KATNA1: variants seen among roughly 807,000 people sequenced by gnomAD.
KATNA1 encodes the protein katanin p60 ATPase-containing subunit A1.
A neutral mutation model predicts 62.6 loss-of-function variants in KATNA1; 42 were observed. The ratio of observed to expected loss-of-function variants is 0.67; its 90% CI spans 0.52 to 0.87. The LOEUF (loss-of-function observed/expected upper bound fraction) is 0.87. Among genes scored for constraint, KATNA1 ranks in the 40% least tolerant of loss-of-function variants. The pLI is 0.00. For missense variants in KATNA1, 498 were observed against 612.5 expected (o/e 0.81, Z 1.97); for synonymous variants, 186 against 201.9 (o/e 0.92, Z 0.67).
At chr6:149,619,411 G>A (rs1192158454) in intron 4 of KATNA1, among the ~76,000 whole-genome samples, 4 of 152,106 alleles carry the variant, frequency 2.6e-5, no homozygotes, top group South Asian at 2.1e-4. Context: ...TCAGGGGTTC[G>A]AGACCAGACT....
At chr6:149,624,951 G>A (rs1373611261) in intron 3 of KATNA1, among the ~76,000 whole-genome samples, 1 of 151,138 alleles carries the variant, frequency 6.6e-6, no homozygotes, top group African/African-American at 2.4e-5. Context: ...TGGAAATGCA[G>A]GAGTTGAACT....
intron 9 of KATNA1, 47 bp downstream of exon 9, chr6:149,597,460 C>CAA: frequency 6.3e-7 from 1 of 1,599,494 alleles, no homozygotes; most frequent in Non-Finnish European, 8.5e-7. Flanking sequence ...CTAAACAAAA[C>CAA]TACATGAAAG....
At chr6:149,644,684 GTCC>G (rs996937620) in intron 1 of KATNA1, among the ~76,000 whole-genome samples, 61 of 152,060 alleles carry the variant, frequency 4.0e-4, no homozygotes, top group African/African-American at 1.4e-3. Flanking sequence ...TATATAGGTG[GTCC>G]TCGTTTTTTT....
At position 149,620,464 on chromosome 6, in the gene KATNA1, T is replaced by C. The variant is rs145866083; in HGVS notation, c.501+2639A>G. ...GTGCCACCACCCCGGCTAATTTTTTTTGTATTTTTAGTAGAGACAGTGTTT... is the reference window on the plus strand; with the variant it reads ...GTGCCACCACCCCGGCTAATTTTTTCTGTATTTTTAGTAGAGACAGTGTTT... On this transcript the variant is annotated intron_variant, in intron 4 of 10. Coordinates refer to ENST00000367411, the MANE Select transcript of KATNA1 (RefSeq NM_007044.4). Among the ~76,000 whole-genome samples the C allele has an allele frequency of 1.8e-3, 268 of 152,238 alleles. 1 individual carries two copies. Among genetic ancestry groups the C allele is most frequent in the African/African-American group, 6.1e-3 (254 of 41,532 alleles).
At position 149,598,240 on chromosome 6, in the gene KATNA1, C is replaced by G; in HGVS notation, c.999G>C (p.Leu333=). The G allele has an allele frequency of 6.2e-7, 1 of 1,614,020 alleles. No individual in the cohort carries two copies. Among genetic ancestry groups the G allele is most frequent in the Middle Eastern group, 1.6e-4 (1 of 6,062 alleles). The part of the protein sequence containing the change: ...HEASRRVKAE[L]LVQMDGVGGT... ...CACAGATACCATCCATCTGAACCAG[C>G]AGCTCCGCTTTCACCCTTCTGCTTG... The change falls in exon 8 of 11, where the codon CTG becomes CTC. Residue 333 remains leucine (L), a synonymous_variant. Coordinates refer to ENST00000367411, the MANE Select transcript of KATNA1 (RefSeq NM_007044.4).
chr6:149,640,833 C>G (rs1780252817), intron 1 of KATNA1, among the ~76,000 whole-genome samples: 1 of 151,626 alleles, frequency 6.6e-6, no homozygotes, highest in Non-Finnish European at 1.5e-5. Flanking sequence ...AGGCGTGAGC[C>G]ACCATGCCTG....
At chr6:149,599,223 T>C (rs948162301) in intron 7 of KATNA1, among the ~76,000 whole-genome samples, 10 of 152,170 alleles carry the variant, frequency 6.6e-5, no homozygotes, top group Non-Finnish European at 1.2e-4. Flanking sequence ...ATTTTTGTAC[T>C]TTTTCAACAA....
At chr6:149,602,850 T>G (rs746699553) in intron 6 of KATNA1, among the ~76,000 whole-genome samples, 1 of 151,942 alleles carries the variant, frequency 6.6e-6, no homozygotes, top group Non-Finnish European at 1.5e-5. Flanking sequence ...GCCTCCCGGA[T>G]AGCTGGGATT....
At chr6:149,616,628 C>A (rs1357754783) in intron 4 of KATNA1, among the ~76,000 whole-genome samples, 1 of 152,134 alleles carries the variant, frequency 6.6e-6, no homozygotes, top group Non-Finnish European at 1.5e-5. Context: ...GTGGCGGGTG[C>A]CTGTAATCCC....
chr6:149,648,844 G>C (rs1000361329), upstream of KATNA1: 2 of 152,322 alleles, frequency 1.3e-5, no homozygotes, highest in Non-Finnish European at 2.9e-5. Flanking sequence ...GCGGAGACCA[G>C]GGATAGTATA....
At chr6:149,595,557 CAG>C (rs1006630294) in intron 10 of KATNA1, among the ~76,000 whole-genome samples, 50 of 151,876 alleles carry the variant, frequency 3.3e-4, no homozygotes, top group African/African-American at 1.1e-3. Flanking sequence ...ATAAGCATCA[CAG>C]AGTCAGAAGA....
rs186154552 is a variant in KATNA1 at position 149,627,026 on chromosome 6, T to C, written c.321-3743A>G. On this transcript the variant is annotated intron_variant, in intron 3 of 10. Coordinates refer to ENST00000367411, the MANE Select transcript of KATNA1 (RefSeq NM_007044.4). The stretch of plus-strand genomic sequence containing the variant: ...ATTTCAACAACAACCCTTACTGTCA[T>C]AGACTTACATACGTGTGTGTGTATA... Among the ~76,000 whole-genome samples the C allele has an allele frequency of 7.2e-5, 11 of 151,932 alleles. No homozygotes were observed. In the East Asian group the frequency reaches 2.1e-3, roughly 30 times the overall value.
At chr6:149,597,280 T>C (rs1165082401) in intron 9 of KATNA1, 91 bp from the exon 10 acceptor site, 23 of 1,394,816 alleles carry the variant, frequency 1.6e-5, no homozygotes, top group African/African-American at 2.9e-5. Flanking sequence ...GATGTTGTCT[T>C]CCAGTAAGAA....
intron 1 of KATNA1, among the ~76,000 whole-genome samples, chr6:149,645,947 T>C (rs9718079): frequency 0.47 from 71,695 of 151,732 alleles, 18,265 homozygotes; most frequent in East Asian, 0.81. Context: ...GGCAAAATAT[T>C]GAAATATCTG....
chr6:149,630,832 T>G (rs975355643), intron 3 of KATNA1, among the ~76,000 whole-genome samples: 2 of 152,046 alleles, frequency 1.3e-5, no homozygotes, highest in African/African-American at 4.8e-5. Flanking sequence ...AATCCACGTT[T>G]TTAATTAGAG....
intron 3 of KATNA1, among the ~76,000 whole-genome samples, chr6:149,623,967 T>C (rs1194450765): frequency 6.6e-6 from 1 of 152,186 alleles, no homozygotes; most frequent in Non-Finnish European, 1.5e-5. Flanking sequence ...AATACAAGTA[T>C]TCAATTCACA....
chr6:149,616,060 G>T (rs948150891), intron 4 of KATNA1, among the ~76,000 whole-genome samples: 20 of 152,164 alleles, frequency 1.3e-4, no homozygotes, highest in Admixed American at 1.2e-3. Context: ...GCCAGGGGCT[G>T]CAGGGAGGGT....
intron 6 of KATNA1, 139 bp downstream of exon 6, chr6:149,603,129 G>C: frequency 2.1e-6 from 1 of 483,670 alleles, no homozygotes; most frequent in Non-Finnish European, 3.7e-6. Context: ...ATTCTCAGTA[G>C]CACAACATAT....
chr6:149,615,863 G>A (rs1208469172), intron 4 of KATNA1, among the ~76,000 whole-genome samples: 4 of 152,046 alleles, frequency 2.6e-5, no homozygotes, highest in Non-Finnish European at 5.9e-5. Flanking sequence ...TTGTCTACAA[G>A]AGACACTTTA....
Sources: gnomAD v4.1 joint callset for allele counts (sites outside exome capture counted in the v4.1 genomes callset) on GRCh38, gnomAD v4.1.1 for gene constraint, MANE v1.5 for transcripts, NCBI Gene and HGNC (gene_info 2026-07-23, HGNC 2026-07-21) for gene names.